CD36: variants seen among roughly 807,000 people sequenced by gnomAD.
CD36 encodes the protein CD36 molecule (CD36 blood group), also known as platelet glycoprotein 4.
Under a neutral mutation model 55.2 loss-of-function variants are expected in CD36, and 119 were observed. The ratio of observed to expected loss-of-function variants is 2.15; its 90% CI spans 1.86 to 2.51. The LOEUF (loss-of-function observed/expected upper bound fraction) is 2.51, where lower values mean the gene tolerates loss of function less well. Ranked by LOEUF, CD36 falls within the 30% of genes most tolerant of loss-of-function variation. The pLI, the probability that CD36 is intolerant of heterozygous loss-of-function variation, is 0.00. For synonymous variants in CD36, 186 were observed against 193.6 expected (o/e 0.96, Z 0.33); for missense variants, 819 against 555.5 (o/e 1.47, Z -4.77).
intron 4 of CD36, among the ~76,000 whole-genome samples, chr7:80,659,704 A>G (rs894593913): frequency 6.6e-6 from 1 of 152,058 alleles, no homozygotes; most frequent in Admixed American, 6.6e-5. Context: ...GTAACGTGAC[A>G]ATTATGTTGC....
chr7:80,610,004 G>C (rs1449102691), intron 1 of CD36, among the ~76,000 whole-genome samples: 1 of 152,062 alleles, frequency 6.6e-6, no homozygotes, highest in Non-Finnish European at 1.5e-5. Context: ...GCCAAGCTGT[G>C]GGTCTGATCT....
intron 1 of CD36, among the ~76,000 whole-genome samples, chr7:80,606,002 G>C (rs1792529520): frequency 6.6e-6 from 1 of 152,108 alleles, no homozygotes; most frequent in Non-Finnish European, 1.5e-5. Flanking sequence ...TATTCCATTT[G>C]TAACTACTTG....
At position 80,672,844 on chromosome 7, in the gene CD36, G is replaced by C. The variant is rs918509219; in HGVS notation, c.1199+1G>C. The C allele has an allele frequency of 6.2e-7, 1 of 1,604,004 alleles. No individual in the cohort carries two copies. The highest frequency in any genetic ancestry group is 8.5e-7 in the Non-Finnish European group (1 of 1,172,078). ...TGGTCAAGCCATCAGAAAAAATTCA[G>C]TGAGTCTCTTGAAAATGGTTATTTT... is the stretch of plus-strand genomic sequence containing the variant. On this transcript the variant is annotated splice_donor_variant, in intron 12 of 14. Coordinates refer to ENST00000447544, the MANE Select transcript of CD36 (RefSeq NM_001001548.3). LOFTEE classifies it high-confidence loss of function.
intron 1 of CD36, among the ~76,000 whole-genome samples, chr7:80,603,769 C>CAAA (rs371964967): frequency 0.012 from 1,086 of 94,332 alleles, 24 homozygotes; most frequent in African/African-American, 0.038. Context: ...TACAGTCAGG[C>CAAA]AAAAAAAAAA....
chr7:80,634,834 G>A (rs547683085), upstream of CD36, among the ~76,000 whole-genome samples: 1 of 151,640 alleles, frequency 6.6e-6, no homozygotes, highest in East Asian at 1.9e-4. Flanking sequence ...GTGGATAAAG[G>A]CTTTCAAAGC....
chr7:80,649,512 T>C (rs1022619524), intron 3 of CD36, among the ~76,000 whole-genome samples: 3 of 151,516 alleles, frequency 2.0e-5, no homozygotes, highest in Non-Finnish European at 4.4e-5. Context: ...AACTGATAGA[T>C]AATAGGATGA....
At chr7:80,673,300 G>GTTATATA in intron 12 of CD36, 55 bp from the exon 13 acceptor site, 1 of 802,080 alleles carries the variant, frequency 1.2e-6, no homozygotes, top group Non-Finnish European at 2.1e-6. Flanking sequence ...TTTAAAGTTT[G>GTTATATA]TTATATATAA....
chr7:80,640,341 C>T (rs928894849), intron 1 of CD36, among the ~76,000 whole-genome samples: 1 of 151,620 alleles, frequency 6.6e-6, no homozygotes, highest in Non-Finnish European at 1.5e-5. Flanking sequence ...AAACACTTGG[C>T]CAATATGAAA....
intron 6 of CD36, 37 bp from the exon 7 acceptor site, chr7:80,664,369 C>A: frequency 9.1e-7 from 1 of 1,099,596 alleles, no homozygotes; most frequent in Non-Finnish European, 1.4e-6. Flanking sequence ...GAAAAAATGA[C>A]TTGTAGAAGT....
intron 11 of CD36, among the ~76,000 whole-genome samples, chr7:80,672,499 T>C (rs1584467568): frequency 1.3e-5 from 2 of 151,816 alleles, no homozygotes; most frequent in Non-Finnish European, 1.5e-5. Flanking sequence ...TTATATTTTG[T>C]TGCTGATTTT....
At chr7:80,673,199 AG>A (rs1170846856) in intron 12 of CD36, 155 bp from the exon 13 acceptor site, 2 of 531,806 alleles carry the variant, frequency 3.8e-6, no homozygotes, top group Admixed American at 3.5e-5. Flanking sequence ...ATAAGAGCAA[AG>A]GAAGTCAAAA....
intron 1 of CD36, among the ~76,000 whole-genome samples, chr7:80,622,612 C>T (rs1388438380): frequency 6.6e-6 from 1 of 152,186 alleles, no homozygotes; most frequent in Admixed American, 6.5e-5. Context: ...TCTGAACCCT[C>T]ATTTGTAGGA....
upstream of CD36, among the ~76,000 whole-genome samples, chr7:80,635,518 G>A (rs935993347): frequency 1.3e-5 from 2 of 151,920 alleles, no homozygotes; most frequent in African/African-American, 2.4e-5. Context: ...CAAGTGATCC[G>A]CCCACCTCAG....
chr7:80,678,573 A>G lies in CD36; in HGVS notation c.*2190A>G, dbSNP rs570331109. The G allele has an allele frequency of 1.3e-5, 2 of 152,318 alleles. No individual in the cohort carries two copies. Among genetic ancestry groups the G allele is most frequent in the African/African-American group, 4.8e-5 (2 of 41,566 alleles). The allele number at this position is 152,318 out of a possible 1,614,324, so 9.4% of individuals were successfully genotyped here. On this transcript the variant is annotated 3_prime_UTR_variant, in exon 15 of 15. Transcript: ENST00000447544. ...TGAAAATATTTGTATTAAGATGTGT[A>G]TACATGGCCAGGCATGGTGGCTCAT... is the stretch of plus-strand genomic sequence containing the variant.
chr7:80,671,079 A>G lies in CD36; in HGVS notation c.921A>G (p.Pro307=), dbSNP rs773044734. The change falls in exon 10 of 15, where the codon CCA becomes CCG. Residue 307 remains proline (P), a synonymous_variant. Coordinates refer to ENST00000447544, the MANE Select transcript of CD36 (RefSeq NM_001001548.3). The part of the protein sequence containing the change: ...SKAFASPVEN[P]DNYCFCTEKI... ...CCTTTGCCTCTCCAGTTGAAAACCC[A>G]GACAACTATTGTTTCTGCACAGAAA... 59 of 1,612,790 alleles carry G rather than the reference A, an allele frequency of 3.7e-5. 1 individual carries two copies. Among genetic ancestry groups the G allele is most frequent in the Non-Finnish European group, 4.8e-5 (57 of 1,179,040 alleles).
Position 80,672,797 on chromosome 7 carries a change from A to G in CD36, c.1153A>G (p.Lys385Glu), listed in dbSNP as rs761499624. The change falls in exon 12 of 15, where the codon AAA becomes GAA. Residue 385 changes from lysine to glutamate, a missense_variant. Transcript: ENST00000447544. ...AACTGGATTCACTTTACAATTTGCAAAACGGCTGCAGGTCAACCTATTGGT... is the reference window on the plus strand; with the variant it reads ...AACTGGATTCACTTTACAATTTGCAGAACGGCTGCAGGTCAACCTATTGGT... The part of the protein sequence containing the change: ...PITGFTLQFA[K>E]RLQVNLLVKP... 3.1e-6 allele frequency: 5 copies of G among 1,610,698 alleles called. No homozygotes were observed. Among genetic ancestry groups the G allele is most frequent in the African/African-American group, 1.3e-5 (1 of 74,796 alleles).
chr7:80,659,628 G>T (rs566815240), intron 4 of CD36, among the ~76,000 whole-genome samples: 1 of 151,830 alleles, frequency 6.6e-6, no homozygotes, highest in South Asian at 2.1e-4. Flanking sequence ...TAAAGGCAGG[G>T]CTGTTTTAAG....
At chr7:80,613,496 G>T (rs1170572817) in intron 1 of CD36, among the ~76,000 whole-genome samples, 2 of 151,938 alleles carry the variant, frequency 1.3e-5, no homozygotes, top group Non-Finnish European at 2.9e-5. Context: ...TCTCCTTAAG[G>T]TCTATCTTTT....
chr7:80,613,238 A>T (rs1292639596), intron 1 of CD36, among the ~76,000 whole-genome samples: 1 of 152,106 alleles, frequency 6.6e-6, no homozygotes, highest in Non-Finnish European at 1.5e-5. Flanking sequence ...CATGAGCTGC[A>T]TGATAAATTC....
Sources: allele counts gnomAD v4.1 joint callset (sites outside exome capture counted in the v4.1 genomes callset), GRCh38; gene constraint gnomAD v4.1.1; transcripts MANE v1.5; gene names NCBI Gene and HGNC (gene_info 2026-07-23, HGNC 2026-07-21).